Variants in ENTREP2 observed in about 807,000 individuals in gnomAD.
ENTREP2 encodes the protein endosomal transmembrane epsin interactor 2, also known as protein ENTREP2.
chr15:29,263,004 A>C, the ENTREP2 span, among the ~76,000 whole-genome samples: 1 of 152,252 alleles, frequency 6.6e-6, no homozygotes, highest in Non-Finnish European at 1.5e-5. Context: ...GAGCAGAGGA[A>C]AAACGAAGTT....
At chr15:29,402,265 T>TATATATATATATATACACAC in the ENTREP2 span, among the ~76,000 whole-genome samples, 1 of 137,792 alleles carries the variant, frequency 7.3e-6, no homozygotes, top group African/African-American at 2.7e-5. Context: ...TATATATATA[T>TATATATATATATATACACAC]ACACACACAT....
the ENTREP2 span, among the ~76,000 whole-genome samples, chr15:29,328,941 T>C: frequency 6.6e-6 from 1 of 152,232 alleles, no homozygotes; most frequent in Non-Finnish European, 1.5e-5. Flanking sequence ...CTAATACCCC[T>C]GTAGGTGCCT....
chr15:29,345,459 G>A, the ENTREP2 span, among the ~76,000 whole-genome samples: 1 of 152,090 alleles, frequency 6.6e-6, no homozygotes, highest in Non-Finnish European at 1.5e-5. Flanking sequence ...TCCCCGCCAA[G>A]GCTGTCTGCT....
At chr15:29,512,980 C>A in the ENTREP2 span, among the ~76,000 whole-genome samples, 58,673 of 152,036 alleles carry the variant, frequency 0.39, 11,744 homozygotes, top group African/African-American at 0.48. Context: ...GGAATATTCA[C>A]CCAAGGATTC....
At chr15:29,224,262 G>C in the ENTREP2 span, among the ~76,000 whole-genome samples, 3 of 152,102 alleles carry the variant, frequency 2.0e-5, no homozygotes, top group African/African-American at 7.2e-5. Flanking sequence ...ACTGGCTTCA[G>C]GAGTGAAGCT....
At chr15:29,269,633 C>G in the ENTREP2 span, 20 of 1,572,278 alleles carry the variant, frequency 1.3e-5, no homozygotes, top group Non-Finnish European at 1.7e-5. Flanking sequence ...CCGGGGTTTC[C>G]GCTATGGCTC....
the ENTREP2 span, among the ~76,000 whole-genome samples, chr15:29,608,905 G>A: frequency 1.3e-5 from 2 of 152,002 alleles, no homozygotes; most frequent in East Asian, 1.9e-4. Flanking sequence ...GAACTACCTC[G>A]CACTAGAGAG....
At chr15:29,222,499 C>G in the ENTREP2 span, among the ~76,000 whole-genome samples, 1 of 152,176 alleles carries the variant, frequency 6.6e-6, no homozygotes, top group South Asian at 2.1e-4. Flanking sequence ...ATAGCCCTCT[C>G]TTGGGGTCTG....
At chr15:29,144,892 TA>T in the ENTREP2 span, among the ~76,000 whole-genome samples, 2 of 150,574 alleles carry the variant, frequency 1.3e-5, no homozygotes, top group Non-Finnish European at 3.0e-5. Context: ...ATAAAAAAAA[TA>T]AAAAAATAAA....
chr15:29,344,532 C>T, the ENTREP2 span, among the ~76,000 whole-genome samples: 1 of 152,292 alleles, frequency 6.6e-6, no homozygotes, highest in South Asian at 2.1e-4. Flanking sequence ...TATGCACCTG[C>T]TGATGTTCAT....
the ENTREP2 span, among the ~76,000 whole-genome samples, chr15:29,255,516 AG>A: frequency 6.6e-6 from 1 of 152,188 alleles, no homozygotes; most frequent in Non-Finnish European, 1.5e-5. Context: ...TCCCATTACT[AG>A]GTATATACCC....
the ENTREP2 span, among the ~76,000 whole-genome samples, chr15:29,313,367 C>T: frequency 1.2e-3 from 187 of 152,328 alleles, no homozygotes; most frequent in African/African-American, 4.4e-3. Flanking sequence ...AAGATGACGC[C>T]TGGCTTCAAA....
the ENTREP2 span, among the ~76,000 whole-genome samples, chr15:29,307,249 C>T: frequency 1.3e-5 from 2 of 151,612 alleles, no homozygotes; most frequent in Non-Finnish European, 2.9e-5. Flanking sequence ...ATTTGAACAG[C>T]CATGTTTTAA....
At chr15:29,280,341 T>G in the ENTREP2 span, among the ~76,000 whole-genome samples, 2 of 152,152 alleles carry the variant, frequency 1.3e-5, no homozygotes, top group African/African-American at 4.8e-5. Flanking sequence ...CCCCAGCTGC[T>G]TTCCTTGAGT....
the ENTREP2 span, among the ~76,000 whole-genome samples, chr15:29,577,823 G>T: frequency 6.6e-6 from 1 of 152,146 alleles, no homozygotes; most frequent in Non-Finnish European, 1.5e-5. Flanking sequence ...GTGAAATAAG[G>T]CAGTCACAAA....
the ENTREP2 span, among the ~76,000 whole-genome samples, chr15:29,586,047 G>C: frequency 6.6e-6 from 1 of 152,034 alleles, no homozygotes; most frequent in Non-Finnish European, 1.5e-5. Context: ...ATTCATAATA[G>C]CCAAAAATGG....
chr15:29,493,837 G>C, the ENTREP2 span, among the ~76,000 whole-genome samples: 2 of 151,720 alleles, frequency 1.3e-5, no homozygotes, highest in East Asian at 3.9e-4. Context: ...AATTAGCCAG[G>C]GTGGTGGCTC....
chr15:29,296,364 G>A, the ENTREP2 span, among the ~76,000 whole-genome samples: 154 of 152,224 alleles, frequency 1.0e-3, no homozygotes, highest in Middle Eastern at 6.8e-3. Context: ...AAACAGAAGG[G>A]CTAAGAATGA....
At chr15:29,257,232 C>T in the ENTREP2 span, among the ~76,000 whole-genome samples, 4 of 152,076 alleles carry the variant, frequency 2.6e-5, no homozygotes, top group Non-Finnish European at 4.4e-5. Context: ...CGCCACCACA[C>T]CGGGGTAATT....
Sources: allele counts gnomAD v4.1 joint callset (sites outside exome capture counted in the v4.1 genomes callset), GRCh38; gene constraint gnomAD v4.1.1; transcripts MANE v1.5; gene names NCBI Gene and HGNC (gene_info 2026-07-23, HGNC 2026-07-21).